FSTL5: variants seen among roughly 807,000 people sequenced by gnomAD.
The protein encoded by FSTL5 is follistatin like 5.
In FSTL5, 62 loss-of-function variants were observed where a neutral mutation model predicts 89.1. That is an observed-to-expected ratio of 0.70 (90% CI 0.57 to 0.86). FSTL5 has a LOEUF of 0.86. Among genes scored for constraint, FSTL5 ranks in the 40% least tolerant of loss-of-function variants. The pLI is 0.00. For synonymous variants in FSTL5, 383 were observed against 346.2 expected (o/e 1.11, Z -1.18); for missense variants, 1,057 against 1,001.6 (o/e 1.06, Z -0.75).
At chr4:161,682,759 T>G (rs1253267377) in intron 6 of FSTL5, among the ~76,000 whole-genome samples, 1 of 151,592 alleles carries the variant, frequency 6.6e-6, no homozygotes, top group African/African-American at 2.4e-5. Flanking sequence ...TTTTTTTTTA[T>G]TTTTTGAGAT....
rs201912010 is a variant in FSTL5 at position 161,589,005 on chromosome 4, T to TG, written c.895-1431_895-1430insC. Among the ~76,000 whole-genome samples the TG allele has an allele frequency of 3.8e-3, 581 of 151,422 alleles. 5 individuals carry two copies. The highest frequency in any genetic ancestry group is 0.013 in the African/African-American group (537 of 41,162). ...AGAGCCCTATCCCTAATGTTTTTTTTTTTTTTTTTTGAGGCAGGGTTCCCA... is the reference window on the plus strand; with the variant it reads ...AGAGCCCTATCCCTAATGTTTTTTTTGTTTTTTTTTTGAGGCAGGGTTCCCA... On this transcript the variant is annotated intron_variant, in intron 7 of 15. Transcript: ENST00000306100.
chr4:162,089,054 T>A (rs1267921668), intron 2 of FSTL5, among the ~76,000 whole-genome samples: 1 of 152,080 alleles, frequency 6.6e-6, no homozygotes, highest in Non-Finnish European at 1.5e-5. Flanking sequence ...AGTTTCATTA[T>A]TATGAGACTG....
chr4:161,636,043 A>G (rs1459358257), intron 7 of FSTL5, among the ~76,000 whole-genome samples: 2 of 152,038 alleles, frequency 1.3e-5, no homozygotes, highest in Non-Finnish European at 2.9e-5. Flanking sequence ...TTACGGAGAA[A>G]AGATATGATA....
At chr4:161,449,213 A>G (rs533683097) in intron 15 of FSTL5, among the ~76,000 whole-genome samples, 124 of 152,286 alleles carry the variant, frequency 8.1e-4, no homozygotes, top group African/African-American at 2.9e-3. Flanking sequence ...GCATGCACAC[A>G]TACACACACA....
At chr4:161,835,853 G>T (rs1731021379) in intron 4 of FSTL5, among the ~76,000 whole-genome samples, 1 of 150,470 alleles carries the variant, frequency 6.6e-6, no homozygotes, top group Admixed American at 6.6e-5. Flanking sequence ...TACACTGTTG[G>T]TGGGACTGTA....
At chr4:162,084,081 C>T (rs752945197) in intron 2 of FSTL5, among the ~76,000 whole-genome samples, 23 of 151,632 alleles carry the variant, frequency 1.5e-4, no homozygotes, top group Admixed American at 2.6e-4. Flanking sequence ...TATGCCCATT[C>T]GAATATTAAA....
chr4:161,766,906 CGATT>C (rs751910349), intron 5 of FSTL5, among the ~76,000 whole-genome samples: 19,667 of 138,642 alleles, frequency 0.14, 1,639 homozygotes, highest in African/African-American at 0.24. Flanking sequence ...GATGATAGAT[CGATT>C]GATAGATAGA....
chr4:161,642,384 C>T (rs1735994934), intron 7 of FSTL5, among the ~76,000 whole-genome samples: 1 of 151,940 alleles, frequency 6.6e-6, no homozygotes, highest in African/African-American at 2.4e-5. Flanking sequence ...ATTAAATATC[C>T]AATCAAAAGA....
chr4:161,970,785 T>C (rs1275828159), intron 3 of FSTL5, among the ~76,000 whole-genome samples: 1 of 152,020 alleles, frequency 6.6e-6, no homozygotes, highest in African/African-American at 2.4e-5. Flanking sequence ...ACACACATAT[T>C]CAGAATATAG....
chr4:161,591,334 A>G (rs570325422), intron 7 of FSTL5, among the ~76,000 whole-genome samples: 5 of 152,310 alleles, frequency 3.3e-5, no homozygotes, highest in Non-Finnish European at 5.9e-5. Context: ...ATAACTGCTA[A>G]TAAGTCTGAA....
intron 4 of FSTL5, among the ~76,000 whole-genome samples, chr4:161,789,310 C>A (rs572083194): frequency 5.3e-5 from 8 of 151,928 alleles, no homozygotes; most frequent in Non-Finnish European, 1.2e-4. Context: ...AGCAAAGGGA[C>A]GACTAGGTGT....
At chr4:161,651,248 T>C (rs957846281) in intron 7 of FSTL5, among the ~76,000 whole-genome samples, 12 of 151,366 alleles carry the variant, frequency 7.9e-5, no homozygotes, top group African/African-American at 2.9e-4. Context: ...GTGAATATAA[T>C]GGCAGATTTT....
At chr4:161,636,446 G>GTT (rs796867744) in intron 7 of FSTL5, among the ~76,000 whole-genome samples, 37 of 109,716 alleles carry the variant, frequency 3.4e-4, no homozygotes, top group Middle Eastern at 5.8e-3. Context: ...TCTGGCAGTT[G>GTT]TTTTTTTTTT....
At chr4:162,093,668 A>G (rs1730638843) in intron 2 of FSTL5, among the ~76,000 whole-genome samples, 2 of 152,150 alleles carry the variant, frequency 1.3e-5, no homozygotes, top group African/African-American at 4.8e-5. Flanking sequence ...AAAACTTTAA[A>G]CTGGTAATCA....
intron 8 of FSTL5, among the ~76,000 whole-genome samples, chr4:161,565,171 T>G (rs1240859046): frequency 1.3e-5 from 2 of 151,862 alleles, no homozygotes; most frequent in Non-Finnish European, 2.9e-5. Context: ...AGAAAACTAA[T>G]CAAAGCCCTC....
intron 4 of FSTL5, among the ~76,000 whole-genome samples, chr4:161,800,605 C>T (rs1046722334): frequency 1.3e-5 from 2 of 151,606 alleles, no homozygotes; most frequent in Admixed American, 6.6e-5. Context: ...GTAAAGCTAA[C>T]TTTTAATTTA....
At position 161,563,761 on chromosome 4, in the gene FSTL5, G is replaced by A. The variant is rs184109820; in HGVS notation, c.1016-21068C>T. On this transcript the variant is annotated intron_variant, in intron 8 of 15. Coordinates refer to ENST00000306100, the MANE Select transcript of FSTL5 (RefSeq NM_020116.5). The stretch of plus-strand genomic sequence containing the variant: ...GAAAGTGCACATATTGTTCTTGTCA[G>A]TTATACTAAGGCAAATTTGGAAAAG... 2.0e-5 allele frequency among the ~76,000 whole-genome samples: 3 copies of A among 152,032 alleles called. No individual in the cohort carries two copies. The East Asian group carries it at 5.8e-4, about 30-fold the overall frequency.
intron 6 of FSTL5, among the ~76,000 whole-genome samples, chr4:161,710,632 C>A (rs112499734): frequency 6.6e-6 from 1 of 152,158 alleles, no homozygotes; most frequent in East Asian, 1.9e-4. Context: ...GAAGACACAG[C>A]ATCAAAGGAA....
intron 4 of FSTL5, among the ~76,000 whole-genome samples, chr4:161,891,558 A>T (rs1298930661): frequency 1.3e-5 from 2 of 152,134 alleles, no homozygotes; most frequent in Non-Finnish European, 2.9e-5. Context: ...AGTCTATTAC[A>T]ATGTTTTGAA....
Sources: gnomAD v4.1 joint callset for allele counts (sites outside exome capture counted in the v4.1 genomes callset) on GRCh38, gnomAD v4.1.1 for gene constraint, MANE v1.5 for transcripts, NCBI Gene and HGNC (gene_info 2026-07-23, HGNC 2026-07-21) for gene names.